Variants in MPZL1 observed in about 807,000 individuals in gnomAD.
MPZL1 encodes the protein myelin protein zero like 1, also known as myelin protein zero-like protein 1.
A neutral mutation model predicts 29.3 loss-of-function variants in MPZL1; 16 were observed. That is an observed-to-expected ratio of 0.55 (90% CI 0.37 to 0.83). The LOEUF (loss-of-function observed/expected upper bound fraction) is 0.83. Ranked by LOEUF, MPZL1 falls within the 40% of genes least tolerant of loss-of-function variation. The probability of loss-of-function intolerance (pLI) is 0.00; values close to 1 mark genes in which losing one functional copy is unlikely to be tolerated. For synonymous variants in MPZL1, 143 were observed against 132.0 expected (o/e 1.08, Z -0.57); for missense variants, 279 against 332.9 (o/e 0.84, Z 1.26).
At chr1:167,732,174 T>C (rs1490646923) in intron 1 of MPZL1, among the ~76,000 whole-genome samples, 2 of 152,224 alleles carry the variant, frequency 1.3e-5, no homozygotes, top group Non-Finnish European at 2.9e-5. Context: ...TATTCTGAAA[T>C]ACACCTGGCC....
intron 1 of MPZL1, among the ~76,000 whole-genome samples, chr1:167,745,561 T>C (rs1024488109): frequency 2.0e-5 from 3 of 152,100 alleles, no homozygotes; most frequent in South Asian, 4.1e-4. Flanking sequence ...AAGAAGCTTT[T>C]TTTGTTTTTG....
At chr1:167,737,911 G>GTGTTTTTTTGTTTGTT (rs1297260879) in intron 1 of MPZL1, among the ~76,000 whole-genome samples, 11 of 151,686 alleles carry the variant, frequency 7.3e-5, no homozygotes, top group African/African-American at 2.7e-4. Flanking sequence ...GAGATTTCTT[G>GTGTTTTTTTGTTTGTT]TGTTTTTTTG....
chr1:167,742,535 A>G (rs905139618), intron 1 of MPZL1, among the ~76,000 whole-genome samples: 4 of 152,042 alleles, frequency 2.6e-5, no homozygotes, highest in Non-Finnish European at 4.4e-5. Flanking sequence ...TCAGAATAGG[A>G]ACTATAGTTT....
At chr1:167,753,649 G>A (rs183574506) in intron 1 of MPZL1, among the ~76,000 whole-genome samples, 135 of 151,222 alleles carry the variant, frequency 8.9e-4, no homozygotes, top group Non-Finnish European at 1.8e-3. Flanking sequence ...TTTTTGAGAC[G>A]GAGTCTCGCT....
chr1:167,756,969 G>T (rs1016939464), intron 1 of MPZL1, among the ~76,000 whole-genome samples: 1 of 152,110 alleles, frequency 6.6e-6, no homozygotes, highest in Non-Finnish European at 1.5e-5. Flanking sequence ...TGAGATTAAG[G>T]CCTGAAGCAT....
intron 1 of MPZL1, among the ~76,000 whole-genome samples, chr1:167,725,334 T>G (rs1484035420): frequency 6.6e-6 from 1 of 152,214 alleles, no homozygotes; most frequent in Non-Finnish European, 1.5e-5. Context: ...CAGGCTGGAA[T>G]GCAGTGGCAC....
chr1:167,747,176 C>G (rs1571146370), intron 1 of MPZL1, among the ~76,000 whole-genome samples: 1 of 152,220 alleles, frequency 6.6e-6, no homozygotes, highest in South Asian at 2.1e-4. Flanking sequence ...GCCTGCATTG[C>G]TAAGCCAGTA....
At chr1:167,743,442 G>A (rs773197234) in intron 1 of MPZL1, among the ~76,000 whole-genome samples, 10 of 151,864 alleles carry the variant, frequency 6.6e-5, no homozygotes, top group Non-Finnish European at 1.2e-4. Flanking sequence ...TCTTGACCTC[G>A]TGACCCTCCC....
chr1:167,750,597 C>T (rs1253747869), intron 1 of MPZL1, among the ~76,000 whole-genome samples: 2 of 152,116 alleles, frequency 1.3e-5, no homozygotes, highest in African/African-American at 4.8e-5. Flanking sequence ...GTTTCTGTAC[C>T]ACATGGAAGC....
rs551739112 is a variant in MPZL1 at position 167,748,790 on chromosome 1, G to A, written c.92-16793G>A. Among the ~76,000 whole-genome samples the A allele has an allele frequency of 9.2e-5, 14 of 152,058 alleles. No individual in the cohort carries two copies. In the South Asian group the frequency reaches 2.9e-3, roughly 32 times the overall value. ...CTATGTTTTATTTGAGTTAATTTTT[G>A]TATATGATGTGCTTTACATTTTGTA... On this transcript the variant is annotated intron_variant, in intron 1 of 5. Coordinates refer to ENST00000359523, the MANE Select transcript of MPZL1 (RefSeq NM_003953.6).
At chr1:167,770,580 A>G (rs901191749) in intron 2 of MPZL1, among the ~76,000 whole-genome samples, 8 of 152,222 alleles carry the variant, frequency 5.3e-5, no homozygotes, top group African/African-American at 1.9e-4. Context: ...CAGAAGGAAG[A>G]GGGCGAAACT....
intron 1 of MPZL1, among the ~76,000 whole-genome samples, chr1:167,741,285 G>T (rs1022404118): frequency 2.0e-4 from 30 of 148,376 alleles, no homozygotes; most frequent in African/African-American, 7.5e-4. Context: ...GCCTCCCAAA[G>T]TGCTGGGATT....
chr1:167,778,340 A>G (rs1293723555), intron 5 of MPZL1, among the ~76,000 whole-genome samples: 1 of 151,750 alleles, frequency 6.6e-6, no homozygotes, highest in Non-Finnish European at 1.5e-5. Flanking sequence ...AAAAACAACT[A>G]TCAGGCATAA....
In MPZL1 at chr1:167,789,135, C is replaced by T. The variant is rs1187679727; in HGVS notation, c.*1214C>T. On this transcript the variant is annotated 3_prime_UTR_variant, in exon 6 of 6. Coordinates refer to ENST00000359523, the MANE Select transcript of MPZL1 (RefSeq NM_003953.6). ...GAGGTTAATGAGAGCCTAGATTAGA[C>T]AGTTTGGCTGTCCTTCCCTAAAACT... 1 of 152,184 alleles carries T rather than the reference C, an allele frequency of 6.6e-6. No homozygotes were observed. The highest frequency in any genetic ancestry group is 1.5e-5 in the Non-Finnish European group (1 of 68,034). 9.4% of individuals were successfully genotyped at this position (152,184 alleles called of 1,614,324 possible).
intron 5 of MPZL1, among the ~76,000 whole-genome samples, chr1:167,785,984 G>A (rs1362135592): frequency 3.3e-5 from 5 of 152,078 alleles, no homozygotes; most frequent in African/African-American, 9.7e-5. Context: ...TAGTAGAGAC[G>A]GGGTTTCACC....
chr1:167,732,750 G>T (rs1322328650), intron 1 of MPZL1, among the ~76,000 whole-genome samples: 1 of 152,214 alleles, frequency 6.6e-6, no homozygotes, highest in East Asian at 1.9e-4. Context: ...CTGAGTAGCT[G>T]GGATTACAGG....
At chr1:167,749,331 C>T (rs1346518663) in intron 1 of MPZL1, among the ~76,000 whole-genome samples, 2 of 152,110 alleles carry the variant, frequency 1.3e-5, no homozygotes, top group African/African-American at 2.4e-5. Flanking sequence ...GAATTGTTGT[C>T]TGTGTGTATA....
chr1:167,727,740 G>A (rs569893760), intron 1 of MPZL1, among the ~76,000 whole-genome samples: 55 of 152,118 alleles, frequency 3.6e-4, no homozygotes, highest in Non-Finnish European at 7.2e-4. Context: ...TTTTGCTGCC[G>A]TAAGAAAGCA....
At chr1:167,778,251 G>A (rs1361576403) in intron 5 of MPZL1, among the ~76,000 whole-genome samples, 4 of 151,442 alleles carry the variant, frequency 2.6e-5, no homozygotes, top group Non-Finnish European at 5.9e-5. Context: ...AACCTGGGAG[G>A]CAGAGGTTGC....
Sources: allele counts gnomAD v4.1 joint callset (sites outside exome capture counted in the v4.1 genomes callset), GRCh38; gene constraint gnomAD v4.1.1; transcripts MANE v1.5; gene names NCBI Gene and HGNC (gene_info 2026-07-23, HGNC 2026-07-21).